The following AUTS2 variants were observed in gnomAD, a reference collection of about 807,000 sequenced individuals.
AUTS2 encodes the protein autism susceptibility gene 2 protein.
AUTS2 carries 17 observed loss-of-function variants against 112.4 expected under a neutral mutation model. That is an observed-to-expected ratio of 0.15 (90% CI 0.10 to 0.23). The LOEUF is 0.23. AUTS2 is among the 10% of genes least tolerant of loss of function. The pLI is 1.00. For synonymous variants in AUTS2, 751 were observed against 702.7 expected, an observed-to-expected ratio of 1.07 and a Z score of -1.09; for missense variants, 1,510 against 1,701.6, an observed-to-expected ratio of 0.89 and a Z score of 1.98.
chr7:70,786,989 T>G (rs1791540449), intron 17 of AUTS2: 1 of 636,058 alleles, frequency 1.6e-6, no homozygotes, highest in Non-Finnish European at 2.8e-6. Context: ...CACCTTTGCT[T>G]TTGGTTTTAA....
rs542816601 is a variant in AUTS2 at position 70,130,405 on chromosome 7, C to T, written c.625-4131C>T. Among the ~76,000 whole-genome samples the T allele has an allele frequency of 4.4e-4, 67 of 151,948 alleles. 1 individual carries two copies. Among genetic ancestry groups the T allele is most frequent in the South Asian group, 2.1e-4 (1 of 4,808 alleles). On this transcript the variant is annotated intron_variant, in intron 3 of 18. Transcript: ENST00000342771. The stretch of plus-strand genomic sequence containing the variant: ...ACTTCATGAGTTTAATGAGTAGCTT[C>T]GATGATAGCTTAGTGAAGAGATGGA...
intron 2 of AUTS2, among the ~76,000 whole-genome samples, chr7:69,945,886 C>T (rs1187730052): frequency 6.6e-6 from 1 of 152,126 alleles, no homozygotes; most frequent in Non-Finnish European, 1.5e-5. Context: ...CTTACTCTGT[C>T]ACCCAGGCTG....
intron 5 of AUTS2, among the ~76,000 whole-genome samples, chr7:70,569,225 G>A (rs190024329): frequency 1.6e-4 from 24 of 152,324 alleles, no homozygotes; most frequent in Non-Finnish European, 3.4e-4. Flanking sequence ...CAGCCAGCAC[G>A]TTATGGGAAA....
At chr7:70,182,113 T>G (rs1809347165) in intron 4 of AUTS2, among the ~76,000 whole-genome samples, 1 of 152,210 alleles carries the variant, frequency 6.6e-6, no homozygotes, top group South Asian at 2.1e-4. Flanking sequence ...AGCTAACTTT[T>G]TAAACATAGT....
chr7:69,647,474 C>CT (rs935077686), intron 1 of AUTS2, among the ~76,000 whole-genome samples: 3 of 152,070 alleles, frequency 2.0e-5, no homozygotes, highest in African/African-American at 7.2e-5. Flanking sequence ...TCTCAGCCTC[C>CT]TTCCTGAGTA....
Position 70,340,163 on chromosome 7 carries a change from AACAC to A in AUTS2, c.661-95560_661-95557del, listed in dbSNP as rs71077652. 1.6e-3 allele frequency among the ~76,000 whole-genome samples: 228 copies of A among 144,708 alleles called. 11 individuals carry two copies. The highest frequency in any genetic ancestry group is 2.2e-3 in the East Asian group (11 of 4,932). The allele number at this position is 144,708 out of a possible 152,430, so 94.9% of individuals were successfully genotyped here. On this transcript the variant is annotated intron_variant, in intron 4 of 18. Transcript: ENST00000342771. ...CCATCTGTGTCCATGTATGGAGAGA[AACAC>A]ACACACACACACACACACACACACA...
chr7:70,328,252 A>G (rs1021755078), intron 4 of AUTS2, among the ~76,000 whole-genome samples: 1 of 152,152 alleles, frequency 6.6e-6, no homozygotes, highest in African/African-American at 2.4e-5. Flanking sequence ...GACTGAGTCT[A>G]GGTTTGTCTC....
chr7:70,652,686 T>C (rs1806569567), intron 5 of AUTS2, among the ~76,000 whole-genome samples: 1 of 152,100 alleles, frequency 6.6e-6, no homozygotes, highest in Admixed American at 6.5e-5. Context: ...GGAGTTTGAG[T>C]TCAGCCTGGG....
chr7:70,315,111 A>C (rs150948409), intron 4 of AUTS2, among the ~76,000 whole-genome samples: 19 of 152,312 alleles, frequency 1.2e-4, no homozygotes, highest in African/African-American at 3.8e-4. Flanking sequence ...TTCTAATAAA[A>C]TAGCTTCTTA....
At chr7:70,692,742 C>A (rs1489730459) in intron 5 of AUTS2, among the ~76,000 whole-genome samples, 1 of 147,538 alleles carries the variant, frequency 6.8e-6, no homozygotes, top group Non-Finnish European at 1.5e-5. Flanking sequence ...GGGAAGTATG[C>A]CATACAGCAA....
intron 4 of AUTS2, among the ~76,000 whole-genome samples, chr7:70,154,034 G>A (rs1453782008): frequency 6.6e-6 from 1 of 152,024 alleles, no homozygotes; most frequent in Non-Finnish European, 1.5e-5. Flanking sequence ...AGTCTTTCTC[G>A]GCAACATCTC....
At chr7:70,517,454 A>C (rs1237405691) in intron 5 of AUTS2, among the ~76,000 whole-genome samples, 2 of 152,082 alleles carry the variant, frequency 1.3e-5, no homozygotes, top group East Asian at 3.9e-4. Context: ...TGGAGTTGAC[A>C]TGAGTTTTTA....
intron 5 of AUTS2, among the ~76,000 whole-genome samples, chr7:70,569,085 A>C (rs1479884489): frequency 6.6e-6 from 1 of 152,100 alleles, no homozygotes; most frequent in African/African-American, 2.4e-5. Flanking sequence ...CGCTCTCCCC[A>C]AGTACTTTGT....
chr7:69,827,491 T>C lies in AUTS2; in HGVS notation c.310-71795T>C, dbSNP rs974537959. The stretch of plus-strand genomic sequence containing the variant: ...AAAAACCCTGGATTCTGAAGATGGC[T>C]GCAGTATATTCTTCAATAGAAATTT... On this transcript the variant is annotated intron_variant, in intron 1 of 18. Coordinates refer to ENST00000342771, the MANE Select transcript of AUTS2 (RefSeq NM_015570.4). Among the ~76,000 whole-genome samples the C allele has an allele frequency of 2.0e-5, 3 of 152,200 alleles. No individual in the cohort carries two copies. In the East Asian group the frequency reaches 5.8e-4, roughly 29 times the overall value.
At chr7:70,080,382 ACAT>A (rs1294313430) in intron 2 of AUTS2, among the ~76,000 whole-genome samples, 1 of 152,178 alleles carries the variant, frequency 6.6e-6, no homozygotes, top group Non-Finnish European at 1.5e-5. Context: ...TGGTTCAAAA[ACAT>A]CAACCAGGTT....
intron 2 of AUTS2, among the ~76,000 whole-genome samples, chr7:70,006,885 T>A (rs544087918): frequency 2.0e-5 from 3 of 152,318 alleles, no homozygotes; most frequent in Non-Finnish European, 2.9e-5. Flanking sequence ...GAGGAAGTTG[T>A]GGGGAGTACC....
intron 1 of AUTS2, among the ~76,000 whole-genome samples, chr7:69,645,294 A>G (rs1794977212): frequency 6.6e-6 from 1 of 152,116 alleles, no homozygotes. Context: ...GAAAATTGTC[A>G]AGTAAAGTGG....
intron 4 of AUTS2, among the ~76,000 whole-genome samples, chr7:70,383,097 A>G (rs1451621719): frequency 1.3e-5 from 2 of 152,122 alleles, no homozygotes; most frequent in African/African-American, 2.4e-5. Context: ...TATAATTTGC[A>G]GTGGCTGCAA....
chr7:70,683,492 A>G (rs967128368), intron 5 of AUTS2, among the ~76,000 whole-genome samples: 2 of 152,228 alleles, frequency 1.3e-5, no homozygotes, highest in Non-Finnish European at 2.9e-5. Context: ...CCAAAGCAGT[A>G]TCTTGTTCCC....
Sources: gnomAD v4.1 joint callset for allele counts (sites outside exome capture counted in the v4.1 genomes callset) on GRCh38, gnomAD v4.1.1 for gene constraint, MANE v1.5 for transcripts, NCBI Gene and HGNC (gene_info 2026-07-23, HGNC 2026-07-21) for gene names.